FOXO1: variants seen among roughly 807,000 people sequenced by gnomAD.
The protein encoded by FOXO1 is forkhead box O1.
FOXO1 carries 6 observed loss-of-function variants against 44.1 expected under a neutral mutation model. The ratio of observed to expected loss-of-function variants is 0.14; its 90% CI spans 0.07 to 0.27. The LOEUF (loss-of-function observed/expected upper bound fraction) is 0.27. Among genes scored for constraint, FOXO1 ranks in the 10% least tolerant of loss-of-function variants. FOXO1 has a pLI of 1.00. For synonymous variants in FOXO1, 380 were observed against 362.7 expected, an observed-to-expected ratio of 1.05 and a Z score of -0.54; for missense variants, 737 against 888.8, an observed-to-expected ratio of 0.83 and a Z score of 2.17.
intron 1 of FOXO1, among the ~76,000 whole-genome samples, chr13:40,578,836 T>C (rs1158869251): frequency 1.3e-5 from 2 of 152,206 alleles, no homozygotes; most frequent in Non-Finnish European, 1.5e-5. Flanking sequence ...CTTTGTTTTG[T>C]TTTGTTGGTG....
intron 1 of FOXO1, chr13:40,620,160 A>G: frequency 6.7e-7 from 1 of 1,492,492 alleles, no homozygotes; most frequent in East Asian, 2.3e-5. Flanking sequence ...TGTCAAGAAT[A>G]ACAGTAGAAG....
chr13:40,569,520 T>A (rs73463276), intron 1 of FOXO1, among the ~76,000 whole-genome samples: 33 of 152,328 alleles, frequency 2.2e-4, no homozygotes, highest in African/African-American at 7.7e-4. Flanking sequence ...AAGTCACTCA[T>A]CACAAACTTC....
chr13:40,619,005 G>A, intron 1 of FOXO1: 2 of 511,204 alleles, frequency 3.9e-6, no homozygotes, highest in African/African-American at 1.9e-5. Flanking sequence ...GGAACAAACT[G>A]GCCGGACACC....
intron 1 of FOXO1, among the ~76,000 whole-genome samples, chr13:40,646,405 A>T (rs1877513005): frequency 6.6e-6 from 1 of 150,540 alleles, no homozygotes; most frequent in South Asian, 2.1e-4. Flanking sequence ...CTGGTCTCAA[A>T]CTCCTGACTT....
At chr13:40,605,792 C>T (rs953559767) in intron 1 of FOXO1, among the ~76,000 whole-genome samples, 3 of 152,120 alleles carry the variant, frequency 2.0e-5, no homozygotes, top group African/African-American at 7.2e-5. Flanking sequence ...AAGCCCTGAA[C>T]CTGCTTGGAG....
intron 1 of FOXO1, among the ~76,000 whole-genome samples, chr13:40,655,559 T>TC (rs1877828260): frequency 6.7e-6 from 1 of 150,318 alleles, no homozygotes; most frequent in African/African-American, 2.4e-5. Context: ...CCCCCACCCC[T>TC]CATCAGCAAT....
In FOXO1 at chr13:40,607,266, C is replaced by T. The variant is rs567652752; in HGVS notation, c.631-46406G>A. On this transcript the variant is annotated intron_variant, in intron 1 of 2. Transcript: ENST00000379561. ...TGCAACCATGCTTCCTCGTGCTACA[C>T]CCGGAGCGCCTAGCAAAATGCTGGG... Among the ~76,000 whole-genome samples the T allele has an allele frequency of 7.9e-5, 12 of 152,348 alleles. No individual in the cohort carries two copies. The South Asian group carries it at 2.5e-3, about 32-fold the overall frequency.
chr13:40,651,572 A>T (rs1278329251), intron 1 of FOXO1, among the ~76,000 whole-genome samples: 1 of 152,094 alleles, frequency 6.6e-6, no homozygotes, highest in African/African-American at 2.4e-5. Context: ...GACCTCTAAA[A>T]TGTAGTCATC....
intron 1 of FOXO1, among the ~76,000 whole-genome samples, chr13:40,608,423 G>A (rs1444542121): frequency 6.6e-6 from 1 of 152,192 alleles, no homozygotes; most frequent in African/African-American, 2.4e-5. Context: ...GAGACACATG[G>A]AGTAGGCTGC....
At chr13:40,658,697 T>C (rs1276312100) in intron 1 of FOXO1, among the ~76,000 whole-genome samples, 2 of 152,138 alleles carry the variant, frequency 1.3e-5, no homozygotes, top group East Asian at 3.8e-4. Context: ...AGAAACGATT[T>C]CTCAAAGCAA....
At chr13:40,629,273 G>T (rs1400042649) in intron 1 of FOXO1, among the ~76,000 whole-genome samples, 1 of 152,006 alleles carries the variant, frequency 6.6e-6, no homozygotes, top group Non-Finnish European at 1.5e-5. Flanking sequence ...CTCCCGAGTA[G>T]CTGGGATTAC....
chr13:40,595,200 A>C (rs1875529954), intron 1 of FOXO1, among the ~76,000 whole-genome samples: 1 of 152,214 alleles, frequency 6.6e-6, no homozygotes. Flanking sequence ...CCCTGATGCT[A>C]AACAGGTACA....
At chr13:40,607,515 T>A (rs1369887098) in intron 1 of FOXO1, among the ~76,000 whole-genome samples, 1 of 121,676 alleles carries the variant, frequency 8.2e-6, no homozygotes, top group African/African-American at 3.2e-5. Flanking sequence ...TCAGGCACTG[T>A]ACTAGATGGG....
In FOXO1 at chr13:40,610,890, T is replaced by G. The variant is rs1041207110; in HGVS notation, c.631-50030A>C. On this transcript the variant is annotated intron_variant, in intron 1 of 2. Transcript: ENST00000379561. ...GATAAACTGCTGCTTATTTAAATGGTCAACCACATGGTAATGCTGTTAAAA... is the reference window on the plus strand; with the variant it reads ...GATAAACTGCTGCTTATTTAAATGGGCAACCACATGGTAATGCTGTTAAAA... The G allele has an allele frequency of 1.5e-5, 4 of 270,430 alleles. No individual in the cohort carries two copies. In the Admixed American group the frequency reaches 2.1e-4, roughly 14 times the overall value. The allele number at this position is 270,430 out of a possible 1,614,324, so 16.8% of individuals were successfully genotyped here.
chr13:40,637,443 C>CAAAAAA (rs894457880), intron 1 of FOXO1, among the ~76,000 whole-genome samples: 42 of 52,488 alleles, frequency 8.0e-4, no homozygotes, highest in Non-Finnish European at 1.1e-3. Flanking sequence ...GACTCCATCA[C>CAAAAAA]AAAAAAAAAA....
At chr13:40,580,938 C>T (rs1361057851) in intron 1 of FOXO1, among the ~76,000 whole-genome samples, 2 of 152,180 alleles carry the variant, frequency 1.3e-5, no homozygotes, top group East Asian at 3.8e-4. Context: ...GCTTAGCCTT[C>T]GCCTACACAC....
chr13:40,621,818 C>T (rs1382592215), intron 1 of FOXO1, among the ~76,000 whole-genome samples: 1 of 152,096 alleles, frequency 6.6e-6, no homozygotes, highest in African/African-American at 2.4e-5. Context: ...GTGTGCTATA[C>T]ATGTTATTTG....
rs143044649 is a variant in FOXO1, at chr13:40,587,147, G to T, written c.631-26287C>A. 3.8e-4 allele frequency among the ~76,000 whole-genome samples: 57 copies of T among 151,776 alleles called. 1 individual carries two copies. The highest frequency in any genetic ancestry group is 1.2e-3 in the African/African-American group (49 of 41,354). Reference sequence around the variant, plus strand: ...GAATAACTCCACCTACTGCACCAATGTTAAATTGCTGAATCCAAAGTCAGA... The same window carrying T: ...GAATAACTCCACCTACTGCACCAATTTTAAATTGCTGAATCCAAAGTCAGA... On this transcript the variant is annotated intron_variant, in intron 1 of 2. Transcript: ENST00000379561.
chr13:40,598,182 T>C (rs1260703837), intron 1 of FOXO1, among the ~76,000 whole-genome samples: 1 of 152,078 alleles, frequency 6.6e-6, no homozygotes, highest in Non-Finnish European at 1.5e-5. Context: ...AATCTACTCA[T>C]GGTTAAGTGA....
Sources: gnomAD v4.1 joint callset for allele counts (sites outside exome capture counted in the v4.1 genomes callset) on GRCh38, gnomAD v4.1.1 for gene constraint, MANE v1.5 for transcripts, NCBI Gene and HGNC (gene_info 2026-07-23, HGNC 2026-07-21) for gene names.